The following RANBP2 variants were observed in gnomAD, a reference collection of about 807,000 sequenced individuals.
RANBP2 encodes RAN binding protein 2.
A neutral mutation model predicts 303.6 loss-of-function variants in RANBP2; 57 were observed. The ratio of observed to expected loss-of-function variants is 0.19; its 90% CI spans 0.15 to 0.23. RANBP2 has a LOEUF of 0.23. RANBP2 is among the 10% of genes least tolerant of loss of function. RANBP2 has a pLI of 1.00. For synonymous variants in RANBP2, 1,167 were observed against 1,301.5 expected, an observed-to-expected ratio of 0.90 and a Z score of 2.23; for missense variants, 3,138 against 3,780.8, an observed-to-expected ratio of 0.83 and a Z score of 4.46.
the RANBP2 span, among the ~76,000 whole-genome samples, chr2:109,014,434 A>T: frequency 6.6e-6 from 1 of 152,198 alleles, no homozygotes. Context: ...CCTGTGGTTC[A>T]TATCTGTTGA....
At chr2:109,173,951 G>A in the RANBP2 span, among the ~76,000 whole-genome samples, 6 of 152,328 alleles carry the variant, frequency 3.9e-5, no homozygotes, top group Admixed American at 2.0e-4. Context: ...AGCAGATGTC[G>A]GGTTCAGGCT....
chr2:109,627,957 G>C, the RANBP2 span, among the ~76,000 whole-genome samples: 1 of 152,206 alleles, frequency 6.6e-6, no homozygotes, highest in East Asian at 1.9e-4. Context: ...TGAAAGATTT[G>C]TGGTGAACAT....
the RANBP2 span, among the ~76,000 whole-genome samples, chr2:108,963,554 A>AC: frequency 4.6e-5 from 7 of 152,222 alleles, no homozygotes; most frequent in African/African-American, 1.7e-4. Flanking sequence ...GGATGATGGC[A>AC]CCTGCACAGT....
At chr2:108,959,275 G>A in the RANBP2 span, among the ~76,000 whole-genome samples, 1 of 152,224 alleles carries the variant, frequency 6.6e-6, no homozygotes, top group Non-Finnish European at 1.5e-5. Context: ...AAGCCCTGTG[G>A]TCTGCGATCT....
rs1250115064 is a variant in RANBP2 at position 108,768,481 on chromosome 2, A to G, written c.7849+93A>G. The G allele has an allele frequency of 3.1e-6, 5 of 1,597,758 alleles. No individual in the cohort carries two copies. The Admixed American group carries it at 6.7e-5, about 22-fold the overall frequency. ...CTTTGTAGGATACTAATGTTGGGAT[A>G]TAAATGATGCTTTGTGAACACCCCC... is the stretch of plus-strand genomic sequence containing the variant. On this transcript the variant is annotated intron_variant, in intron 20 of 28. Transcript: ENST00000283195.
At chr2:109,666,689 A>G in the RANBP2 span, among the ~76,000 whole-genome samples, 3 of 152,216 alleles carry the variant, frequency 2.0e-5, no homozygotes, top group African/African-American at 7.2e-5. Context: ...GTTGGCTGCT[A>G]ATTGGAGGAA....
the RANBP2 span, among the ~76,000 whole-genome samples, chr2:108,823,024 A>G: frequency 6.6e-6 from 1 of 152,244 alleles, no homozygotes; most frequent in Non-Finnish European, 1.5e-5. Flanking sequence ...CAACAATTGC[A>G]TGCCAACAGA....
At chr2:109,704,993 T>G in the RANBP2 span, among the ~76,000 whole-genome samples, 1 of 152,012 alleles carries the variant, frequency 6.6e-6, no homozygotes, top group African/African-American at 2.4e-5. Context: ...AAATCACTTT[T>G]TGGCCAATGA....
rs1677616367 is a variant in RANBP2, at chr2:108,773,008, G to C, written c.8254G>C (p.Asp2752His). Residue 2752 changes from aspartate to histidine, a missense_variant, in exon 23 of 29, where the codon GAC (aspartate) becomes CAC (histidine). Coordinates refer to ENST00000283195, the MANE Select transcript of RANBP2 (RefSeq NM_006267.5). The part of the protein sequence containing the change: ...DTDEDNGNGE[D>H]FQSELQKVQE... ...TGATGAAGACAATGGAAATGGGGAG[G>C]ACTTTCAATCAGAGCTTCAAAAAGT... 1 of 1,613,408 alleles carries C rather than the reference G, an allele frequency of 6.2e-7. No homozygotes were observed. Among genetic ancestry groups the C allele is most frequent in the Admixed American group, 1.7e-5 (1 of 59,964 alleles).
chr2:109,028,254 G>C, the RANBP2 span, among the ~76,000 whole-genome samples: 1 of 152,228 alleles, frequency 6.6e-6, no homozygotes, highest in African/African-American at 2.4e-5. Flanking sequence ...CTGGGTGACA[G>C]AGTGAGACCC....
chr2:109,004,714 T>C, the RANBP2 span, among the ~76,000 whole-genome samples: 3 of 152,220 alleles, frequency 2.0e-5, no homozygotes, highest in Admixed American at 2.0e-4. Context: ...AAAGAATCTC[T>C]CATCTCTGAT....
At chr2:109,564,006 C>T in the RANBP2 span, among the ~76,000 whole-genome samples, 105 of 152,186 alleles carry the variant, frequency 6.9e-4, 1 homozygote, top group African/African-American at 2.5e-3. Context: ...TCCAACTTAC[C>T]TTTATGACAA....
At chr2:109,733,018 G>A in the RANBP2 span, 1 of 578,626 alleles carries the variant, frequency 1.7e-6, no homozygotes, top group South Asian at 1.4e-5. Flanking sequence ...ATTGTAGGAG[G>A]GGTCTTCCAC....
At chr2:109,235,767 C>T in the RANBP2 span, among the ~76,000 whole-genome samples, 1 of 152,222 alleles carries the variant, frequency 6.6e-6, no homozygotes, top group Non-Finnish European at 1.5e-5. Context: ...AGACTCTCTA[C>T]TGAGCCCCTC....
chr2:109,590,226 T>C, the RANBP2 span, among the ~76,000 whole-genome samples: 1 of 151,842 alleles, frequency 6.6e-6, no homozygotes, highest in Non-Finnish European at 1.5e-5. Context: ...TCGCTTTTTA[T>C]TGTATATGGT....
At chr2:108,819,471 A>G in the RANBP2 span, among the ~76,000 whole-genome samples, 3 of 152,204 alleles carry the variant, frequency 2.0e-5, no homozygotes, top group African/African-American at 7.2e-5. Context: ...GCTGCAGGAA[A>G]CAGAAGTGAT....
At chr2:108,808,415 G>A in the RANBP2 span, among the ~76,000 whole-genome samples, 24 of 152,034 alleles carry the variant, frequency 1.6e-4, no homozygotes, top group African/African-American at 4.8e-4. Flanking sequence ...TTGTGTTTTC[G>A]TTTTTTTGGG....
At chr2:108,821,457 A>G in the RANBP2 span, among the ~76,000 whole-genome samples, 1 of 152,208 alleles carries the variant, frequency 6.6e-6, no homozygotes, top group Non-Finnish European at 1.5e-5. Context: ...GATGTAAAAT[A>G]GTTATAACTT....
At chr2:109,072,296 C>CATCAGTGCT in the RANBP2 span, among the ~76,000 whole-genome samples, 1 of 152,158 alleles carries the variant, frequency 6.6e-6, no homozygotes, top group African/African-American at 2.4e-5. Context: ...TGAATCAGTG[C>CATCAGTGCT]ATCAGTGCTA....
Sources: gnomAD v4.1 joint callset for allele counts (sites outside exome capture counted in the v4.1 genomes callset) on GRCh38, gnomAD v4.1.1 for gene constraint, MANE v1.5 for transcripts, NCBI Gene and HGNC (gene_info 2026-07-23, HGNC 2026-07-21) for gene names.